DENND5B: variants seen among roughly 807,000 people sequenced by gnomAD.
DENND5B encodes the protein DENN domain containing 5B, also known as DENN domain-containing protein 5B.
DENND5B carries 34 observed loss-of-function variants against 140.6 expected under a neutral mutation model. The ratio of observed to expected loss-of-function variants is 0.24; its 90% CI spans 0.18 to 0.32. The LOEUF (loss-of-function observed/expected upper bound fraction) is 0.32, where lower values mean the gene tolerates loss of function less well. Among genes scored for constraint, DENND5B ranks in the 10% least tolerant of loss-of-function variants. The pLI, the probability that DENND5B is intolerant of heterozygous loss-of-function variation, is 1.00. For synonymous variants in DENND5B, 551 were observed against 562.1 expected (o/e 0.98, Z 0.28); for missense variants, 1,142 against 1,560.2 (o/e 0.73, Z 4.52).
chr12:31,530,618 AT>A (rs1164245744), intron 1 of DENND5B, among the ~76,000 whole-genome samples: 2 of 152,236 alleles, frequency 1.3e-5, no homozygotes, highest in Non-Finnish European at 2.9e-5. Context: ...CTGAAAAAAT[AT>A]TAAATTTTAA....
chr12:31,567,039 G>A lies in DENND5B; in HGVS notation c.127+23667C>T, dbSNP rs140339341. 4.5e-3 allele frequency among the ~76,000 whole-genome samples: 685 copies of A among 152,274 alleles called. 5 individuals are homozygous for A. Among genetic ancestry groups the A allele is most frequent in the Non-Finnish European group, 6.9e-3 (466 of 68,012 alleles). Reference sequence around the variant, plus strand: ...ATTCCACAATGTTAAAGAACACACAGTTTACTATCGCATGTATATTCCTAT... The same window carrying A: ...ATTCCACAATGTTAAAGAACACACAATTTACTATCGCATGTATATTCCTAT... On this transcript the variant is annotated intron_variant, in intron 1 of 20. Transcript: ENST00000389082.
In DENND5B at chr12:31,413,546, A is replaced by C; in HGVS notation, c.2571T>G (p.Ser857Arg). 1 of 1,612,484 alleles carries C rather than the reference A, an allele frequency of 6.2e-7. No individual in the cohort carries two copies. The highest frequency in any genetic ancestry group is 8.5e-7 in the Non-Finnish European group (1 of 1,179,108). ...IQDMRHIQNM[S>R]EIKTDVGRAR... is the part of the protein sequence containing the mutation. ...CTCGTCCAACATCAGTCTTGATCTCACTCATGTTTTGAATATGCCTAAAGA... is the reference window on the plus strand; with the variant it reads ...CTCGTCCAACATCAGTCTTGATCTCCCTCATGTTTTGAATATGCCTAAAGA... The change falls in exon 13 of 21, where the codon AGT becomes AGG. Residue 857 changes from serine (S) to arginine (R), a missense_variant. Transcript: ENST00000389082.
In DENND5B at chr12:31,425,357, A is replaced by T. The variant is rs371603098; in HGVS notation, c.2239-670T>A. ...ATAAAAAAAGAAAATGTACTGTCAGAATATGGAACCCCATCCTGCCACCAC... is the reference window on the plus strand; with the variant it reads ...ATAAAAAAAGAAAATGTACTGTCAGTATATGGAACCCCATCCTGCCACCAC... On this transcript the variant is annotated intron_variant, in intron 9 of 20. Transcript: ENST00000389082. Among the ~76,000 whole-genome samples the T allele has an allele frequency of 3.4e-4, 52 of 152,296 alleles. 1 individual carries two copies. In the East Asian group the frequency reaches 9.1e-3, roughly 27 times the overall value.
rs537289016 is a variant in DENND5B, at chr12:31,514,967, T to A, written c.128-19048A>T. Among the ~76,000 whole-genome samples the A allele has an allele frequency of 2.6e-3, 393 of 149,544 alleles. 2 individuals carry two copies. Among genetic ancestry groups the A allele is most frequent in the African/African-American group, 7.9e-3 (313 of 39,872 alleles). On this transcript the variant is annotated intron_variant, in intron 1 of 20. Transcript: ENST00000389082. Reference sequence around the variant, plus strand: ...ACCTTTTTCTCTACAAAAAAAAAAATTTTTTTTTAATTAGGCATGGTGGTG... The same window carrying A: ...ACCTTTTTCTCTACAAAAAAAAAAAATTTTTTTTAATTAGGCATGGTGGTG...
intron 1 of DENND5B, among the ~76,000 whole-genome samples, chr12:31,556,238 T>C (rs767444122): frequency 2.6e-4 from 40 of 152,190 alleles, no homozygotes; most frequent in Non-Finnish European, 5.4e-4. Context: ...GCAGTCTCAC[T>C]CTGTCACCCA....
chr12:31,590,447 T>C (rs903764959), intron 1 of DENND5B: 14 of 304,170 alleles, frequency 4.6e-5, no homozygotes, highest in Non-Finnish European at 7.6e-5. Context: ...GTCCGTGCCC[T>C]TGGGGCCACC....
intron 1 of DENND5B, among the ~76,000 whole-genome samples, chr12:31,512,205 G>A (rs1424647813): frequency 6.6e-6 from 1 of 151,512 alleles, no homozygotes; most frequent in East Asian, 1.9e-4. Context: ...GTGAGTCACC[G>A]CACCAGCCTC....
chr12:31,534,109 C>G (rs1948394511), intron 1 of DENND5B, among the ~76,000 whole-genome samples: 1 of 152,014 alleles, frequency 6.6e-6, no homozygotes, highest in African/African-American at 2.4e-5. Flanking sequence ...ATACATTTCT[C>G]TTGGATCAGC....
chr12:31,429,598 G>A (rs958804012), intron 8 of DENND5B, among the ~76,000 whole-genome samples: 16 of 150,194 alleles, frequency 1.1e-4, no homozygotes, highest in Admixed American at 8.0e-4. Flanking sequence ...TAGTAGAGAC[G>A]GGGTTTCGCC....
chr12:31,410,463 C>T (rs1034003260), intron 13 of DENND5B, among the ~76,000 whole-genome samples: 1 of 152,070 alleles, frequency 6.6e-6, no homozygotes, highest in Non-Finnish European at 1.5e-5. Context: ...TGGAGTGCAG[C>T]GATGCAGTAA....
chr12:31,441,206 T>C (rs1944014333), intron 7 of DENND5B, among the ~76,000 whole-genome samples: 1 of 152,058 alleles, frequency 6.6e-6, no homozygotes, highest in Non-Finnish European at 1.5e-5. Flanking sequence ...TAGCTAGGTG[T>C]GGTGGCATGT....
chr12:31,423,087 C>G (rs1470237491), intron 11 of DENND5B, among the ~76,000 whole-genome samples: 4 of 151,932 alleles, frequency 2.6e-5, no homozygotes, highest in African/African-American at 7.3e-5. Context: ...ACTACAGGCA[C>G]CTGCCACCAC....
At chr12:31,423,482 T>A in intron 11 of DENND5B, 115 bp downstream of exon 11, 1 of 1,086,910 alleles carries the variant, frequency 9.2e-7, no homozygotes, top group Non-Finnish European at 1.3e-6. Context: ...TTTATCCCAT[T>A]ATTGGCAAAA....
At chr12:31,425,010 A>G (rs1943172529) in intron 9 of DENND5B, among the ~76,000 whole-genome samples, 1 of 152,150 alleles carries the variant, frequency 6.6e-6, no homozygotes, top group Non-Finnish European at 1.5e-5. Flanking sequence ...ATTACAGCAG[A>G]CTTAGAAAAT....
chr12:31,521,143 C>T (rs1947863575), intron 1 of DENND5B, among the ~76,000 whole-genome samples: 1 of 149,712 alleles, frequency 6.7e-6, no homozygotes, highest in African/African-American at 2.5e-5. Flanking sequence ...GATTGCCTGG[C>T]TATAAGGATG....
At chr12:31,418,792 G>A (rs1023256884) in intron 11 of DENND5B, among the ~76,000 whole-genome samples, 1 of 151,564 alleles carries the variant, frequency 6.6e-6, no homozygotes, top group African/African-American at 2.4e-5. Flanking sequence ...TTAAACTAGA[G>A]AACAAGTGAG....
At chr12:31,582,265 T>A (rs1030013520) in intron 1 of DENND5B, among the ~76,000 whole-genome samples, 6 of 152,186 alleles carry the variant, frequency 3.9e-5, no homozygotes, top group African/African-American at 1.2e-4. Context: ...AAATCATTCA[T>A]CTCATTTAAC....
At chr12:31,462,764 G>C (rs1945078607) in intron 3 of DENND5B, among the ~76,000 whole-genome samples, 1 of 152,164 alleles carries the variant, frequency 6.6e-6, no homozygotes, top group Non-Finnish European at 1.5e-5. Context: ...TTAGAGGCCA[G>C]TCTGGCCAAC....
At chr12:31,423,349 C>G (rs1054090079) in intron 11 of DENND5B, among the ~76,000 whole-genome samples, 15 of 152,184 alleles carry the variant, frequency 9.9e-5, no homozygotes, top group African/African-American at 3.4e-4. Flanking sequence ...ATTTGATCAG[C>G]ATGACCGTTC....
Sources: allele counts gnomAD v4.1 joint callset (sites outside exome capture counted in the v4.1 genomes callset), GRCh38; gene constraint gnomAD v4.1.1; transcripts MANE v1.5; gene names NCBI Gene and HGNC (gene_info 2026-07-23, HGNC 2026-07-21).